THEMIS: variants seen among roughly 807,000 people sequenced by gnomAD.
The protein encoded by THEMIS is thymocyte selection associated.
A neutral mutation model predicts 52.6 loss-of-function variants in THEMIS; 37 were observed. The ratio of observed to expected loss-of-function variants is 0.70; its 90% CI spans 0.54 to 0.93. The LOEUF (loss-of-function observed/expected upper bound fraction) is 0.93, where lower values mean the gene tolerates loss of function less well. Ranked by LOEUF, THEMIS falls within the 40% of genes least tolerant of loss-of-function variation. THEMIS has a pLI of 0.00. For synonymous variants in THEMIS, 292 were observed against 272.7 expected, an observed-to-expected ratio of 1.07 and a Z score of -0.70; for missense variants, 808 against 763.1, an observed-to-expected ratio of 1.06 and a Z score of -0.69.
chr6:127,852,704 A>G (rs1163821351), intron 2 of THEMIS, among the ~76,000 whole-genome samples: 2 of 151,548 alleles, frequency 1.3e-5, no homozygotes, highest in Admixed American at 1.3e-4. Flanking sequence ...AAAATTTTTG[A>G]ATAACATTAG....
intron 4 of THEMIS, among the ~76,000 whole-genome samples, chr6:127,787,326 A>C (rs551812743): frequency 2.0e-5 from 3 of 152,044 alleles, no homozygotes; most frequent in Non-Finnish European, 2.9e-5. Flanking sequence ...TTCTTCCTTT[A>C]GCTGGAAAAC....
At chr6:127,774,011 T>C (rs1043025210) in intron 4 of THEMIS, among the ~76,000 whole-genome samples, 1 of 152,190 alleles carries the variant, frequency 6.6e-6, no homozygotes, top group Admixed American at 6.5e-5. Flanking sequence ...GGGTCTGCTA[T>C]ATCCAAGATG....
chr6:127,819,264 C>T (rs770316595), intron 3 of THEMIS, among the ~76,000 whole-genome samples: 1 of 149,918 alleles, frequency 6.7e-6, no homozygotes, highest in African/African-American at 2.5e-5. Context: ...TAAAAACTTA[C>T]CAAACCAAAA....
At chr6:127,740,386 C>G (rs2114272074) in intron 4 of THEMIS, among the ~76,000 whole-genome samples, 1 of 152,088 alleles carries the variant, frequency 6.6e-6, no homozygotes, top group Admixed American at 6.5e-5. Flanking sequence ...TGGTAGATAG[C>G]CTCTAGTGGA....
chr6:127,701,381 C>A, the THEMIS span, among the ~76,000 whole-genome samples: 2 of 151,984 alleles, frequency 1.3e-5, no homozygotes, highest in Admixed American at 1.3e-4. Context: ...TATCCTTTTT[C>A]ATTGCTACAT....
chr6:127,891,538 C>CA (rs67886431), intron 1 of THEMIS, among the ~76,000 whole-genome samples: 1,747 of 96,798 alleles, frequency 0.018, 15 homozygotes, highest in Non-Finnish European at 0.026. Flanking sequence ...TCCAGCTCAA[C>CA]AAAAAAAAAA....
At chr6:127,724,294 C>T (rs958266741) in intron 4 of THEMIS, among the ~76,000 whole-genome samples, 1 of 152,058 alleles carries the variant, frequency 6.6e-6, no homozygotes, top group Non-Finnish European at 1.5e-5. Context: ...TTACATTGGT[C>T]ATCTATCTAT....
chr6:127,792,268 A>T lies in THEMIS; in HGVS notation c.1758+20615T>A, dbSNP rs560851536. Among the ~76,000 whole-genome samples the T allele has an allele frequency of 2.2e-3, 334 of 152,340 alleles. 1 individual carries two copies. The highest frequency in any genetic ancestry group is 6.8e-3 in the Middle Eastern group (2 of 294). On this transcript the variant is annotated intron_variant, in intron 4 of 5. Coordinates refer to ENST00000368248, the MANE Select transcript of THEMIS (RefSeq NM_001010923.3). ...ATAAAGCACAGTGAAGTTGAAAAAG[A>T]TACTCTTAAATAGCTTTTACAGCAG...
chr6:127,733,732 TG>T (rs1179684076), intron 4 of THEMIS, among the ~76,000 whole-genome samples: 3 of 152,320 alleles, frequency 2.0e-5, no homozygotes, highest in African/African-American at 7.2e-5. Context: ...AAGATTTAAC[TG>T]TCAATTCTCA....
At chr6:127,699,577 C>T in the THEMIS span, among the ~76,000 whole-genome samples, 1 of 151,290 alleles carries the variant, frequency 6.6e-6, no homozygotes. Flanking sequence ...AACTAGTCCA[C>T]ATGTCTAGAA....
At chr6:127,888,165 C>T (rs1460109719) in intron 1 of THEMIS, among the ~76,000 whole-genome samples, 3 of 151,848 alleles carry the variant, frequency 2.0e-5, no homozygotes, top group African/African-American at 4.8e-5. Flanking sequence ...GCTAGTATGG[C>T]TAGGAGGAGA....
chr6:127,915,673 C>T (rs769545600), intron 1 of THEMIS, among the ~76,000 whole-genome samples: 31 of 151,820 alleles, frequency 2.0e-4, no homozygotes, highest in Non-Finnish European at 4.0e-4. Flanking sequence ...AGAAACTTCT[C>T]GGGTAGAAGC....
intron 5 of THEMIS, among the ~76,000 whole-genome samples, chr6:127,718,699 T>G (rs1562211732): frequency 6.6e-6 from 1 of 151,974 alleles, no homozygotes; most frequent in East Asian, 1.9e-4. Flanking sequence ...TCATACTTGA[T>G]TAGTATTAGA....
At chr6:127,840,597 A>G (rs1198466265) in intron 2 of THEMIS, among the ~76,000 whole-genome samples, 1 of 152,114 alleles carries the variant, frequency 6.6e-6, no homozygotes, top group Admixed American at 6.6e-5. Context: ...AAATAAATAC[A>G]TCTTATAGCT....
At chr6:127,879,161 C>A (rs1419929425) in intron 1 of THEMIS, among the ~76,000 whole-genome samples, 1 of 152,160 alleles carries the variant, frequency 6.6e-6, no homozygotes, top group Non-Finnish European at 1.5e-5. Context: ...AGGTATATTA[C>A]ATGAAAATTT....
At chr6:127,752,061 C>G (rs1306641580) in intron 4 of THEMIS, among the ~76,000 whole-genome samples, 2 of 151,404 alleles carry the variant, frequency 1.3e-5, no homozygotes, top group Non-Finnish European at 3.0e-5. Context: ...TATTGAACAG[C>G]CAATAGGTCA....
chr6:127,833,518 G>A (rs749574387), intron 2 of THEMIS, among the ~76,000 whole-genome samples: 2 of 152,126 alleles, frequency 1.3e-5, no homozygotes, highest in African/African-American at 4.8e-5. Context: ...TTTGCATCCT[G>A]CCACCAAGCC....
At chr6:127,704,371 T>C (rs1316184188), downstream of THEMIS, among the ~76,000 whole-genome samples, 3 of 152,170 alleles carry the variant, frequency 2.0e-5, no homozygotes, top group African/African-American at 4.8e-5. Context: ...CTCTGCCATA[T>C]TACTTGAAAG....
At chr6:127,879,039 A>T (rs1583387813) in intron 1 of THEMIS, among the ~76,000 whole-genome samples, 1 of 152,208 alleles carries the variant, frequency 6.6e-6, no homozygotes, top group African/African-American at 2.4e-5. Flanking sequence ...ATACTAATTT[A>T]AATGGTAAAG....
Sources: allele counts gnomAD v4.1 joint callset (sites outside exome capture counted in the v4.1 genomes callset), GRCh38; gene constraint gnomAD v4.1.1; transcripts MANE v1.5; gene names NCBI Gene and HGNC (gene_info 2026-07-23, HGNC 2026-07-21).